Variants in NKAIN2 observed in about 807,000 individuals in gnomAD.
NKAIN2 encodes the protein sodium/potassium-transporting ATPase subunit beta-1-interacting protein 2.
In NKAIN2, 14 loss-of-function variants were observed where a neutral mutation model predicts 32.6. The ratio of observed to expected loss-of-function variants is 0.43; its 90% CI spans 0.28 to 0.67. The LOEUF (loss-of-function observed/expected upper bound fraction) is 0.67. Among genes scored for constraint, NKAIN2 ranks in the 30% least tolerant of loss-of-function variants. The pLI, the probability that NKAIN2 is intolerant of heterozygous loss-of-function variation, is 0.17. For missense variants in NKAIN2, 198 were observed against 258.3 expected (o/e 0.77, Z 1.60); for synonymous variants, 80 against 87.2 (o/e 0.92, Z 0.46).
At chr6:124,083,373 T>G (rs1336113880) in intron 1 of NKAIN2, among the ~76,000 whole-genome samples, 1 of 151,948 alleles carries the variant, frequency 6.6e-6, no homozygotes, top group Non-Finnish European at 1.5e-5. Context: ...CCTTTGTCAT[T>G]GTTATTATTG....
intron 3 of NKAIN2, among the ~76,000 whole-genome samples, chr6:124,594,233 T>A (rs940367444): frequency 6.6e-6 from 1 of 152,222 alleles, no homozygotes; most frequent in African/African-American, 2.4e-5. Flanking sequence ...TTTTAAGTCA[T>A]TAAATTTATT....
chr6:123,971,488 T>A (rs943662386), intron 1 of NKAIN2, among the ~76,000 whole-genome samples: 3 of 152,200 alleles, frequency 2.0e-5, no homozygotes, highest in African/African-American at 7.2e-5. Context: ...CATTCTCTGC[T>A]TTGTAGTCAA....
intron 1 of NKAIN2, among the ~76,000 whole-genome samples, chr6:124,242,617 A>G (rs879565276): frequency 3.3e-5 from 5 of 152,168 alleles, no homozygotes; most frequent in Non-Finnish European, 7.3e-5. Flanking sequence ...AGCACTATTC[A>G]CAATACCAAA....
rs113382355 is a variant in NKAIN2 at position 124,253,989 on chromosome 6, G to C, written c.55-29016G>C. On this transcript the variant is annotated intron_variant, in intron 1 of 6. Coordinates refer to ENST00000368417, the MANE Select transcript of NKAIN2 (RefSeq NM_001040214.3). ...TGCACCACCATGCCTGGCTAATTTT[G>C]TATTTTTAGTAGAGACGGGGTTTCA... Among the ~76,000 whole-genome samples, 733 of 148,720 alleles carry C rather than the reference G, an allele frequency of 4.9e-3. 7 individuals are homozygous for C. The highest frequency in any genetic ancestry group is 0.017 in the African/African-American group (685 of 40,352).
chr6:124,618,226 C>T (rs1244648648), intron 3 of NKAIN2, among the ~76,000 whole-genome samples: 1 of 152,064 alleles, frequency 6.6e-6, no homozygotes, highest in Non-Finnish European at 1.5e-5. Context: ...ACCTGTAATC[C>T]CAGCACTTTG....
intron 3 of NKAIN2, among the ~76,000 whole-genome samples, chr6:124,408,143 G>A (rs1371623952): frequency 6.6e-6 from 1 of 151,920 alleles, no homozygotes; most frequent in African/African-American, 2.4e-5. Context: ...CCATTCTGTA[G>A]GTTGCCTGTT....
intron 1 of NKAIN2, among the ~76,000 whole-genome samples, chr6:123,831,865 A>G (rs9490956): frequency 0.082 from 12,438 of 152,120 alleles, 1,075 homozygotes; most frequent in African/African-American, 0.22. Context: ...CGTGTTAGCC[A>G]GGATGGTCTT....
At chr6:123,831,159 CA>C (rs1774362904) in intron 1 of NKAIN2, among the ~76,000 whole-genome samples, 1 of 152,054 alleles carries the variant, frequency 6.6e-6, no homozygotes, top group African/African-American at 2.4e-5. Flanking sequence ...TTCCTAGCAA[CA>C]TATTTTGCCA....
At chr6:124,018,966 T>G (rs1280497025) in intron 1 of NKAIN2, among the ~76,000 whole-genome samples, 2 of 152,102 alleles carry the variant, frequency 1.3e-5, no homozygotes, top group African/African-American at 4.8e-5. Flanking sequence ...GTTTAATGGA[T>G]TCACAGTTCC....
intron 3 of NKAIN2, among the ~76,000 whole-genome samples, chr6:124,458,718 C>G (rs1275509016): frequency 1.3e-5 from 2 of 151,822 alleles, no homozygotes; most frequent in East Asian, 3.9e-4. Context: ...AATACTATAT[C>G]TAGACACTGC....
intron 1 of NKAIN2, among the ~76,000 whole-genome samples, chr6:124,148,492 A>C (rs1418605571): frequency 6.6e-6 from 1 of 152,090 alleles, no homozygotes; most frequent in African/African-American, 2.4e-5. Context: ...TATGAATGTA[A>C]ACATACAATA....
chr6:124,822,419 T>C (rs542221476), intron 6 of NKAIN2, among the ~76,000 whole-genome samples: 57 of 152,282 alleles, frequency 3.7e-4, no homozygotes, highest in African/African-American at 1.1e-3. Context: ...AGCTCTTCCT[T>C]GGAAGGAAAA....
At chr6:124,326,228 C>A (rs1369314476) in intron 2 of NKAIN2, among the ~76,000 whole-genome samples, 1 of 146,244 alleles carries the variant, frequency 6.8e-6, no homozygotes, top group African/African-American at 2.5e-5. Context: ...TATTTTAGCT[C>A]ATTTTAAAGT....
chr6:124,199,791 G>T (rs537305674), intron 1 of NKAIN2, among the ~76,000 whole-genome samples: 33 of 152,138 alleles, frequency 2.2e-4, no homozygotes, highest in African/African-American at 8.0e-4. Flanking sequence ...CAAAGCAAAG[G>T]ATTATTTTGA....
At chr6:123,910,399 C>T (rs1775109353) in intron 1 of NKAIN2, among the ~76,000 whole-genome samples, 1 of 150,654 alleles carries the variant, frequency 6.6e-6, no homozygotes, top group Non-Finnish European at 1.5e-5. Context: ...TTAATACTGA[C>T]TTTTCTTTTA....
At chr6:124,062,551 C>T (rs935486080) in intron 1 of NKAIN2, among the ~76,000 whole-genome samples, 3 of 152,118 alleles carry the variant, frequency 2.0e-5, no homozygotes, top group African/African-American at 7.2e-5. Flanking sequence ...ACCTTAGCTT[C>T]CTGGGTAGCT....
intron 3 of NKAIN2, among the ~76,000 whole-genome samples, chr6:124,365,655 T>A (rs1799487231): frequency 6.6e-6 from 1 of 151,900 alleles, no homozygotes; most frequent in African/African-American, 2.4e-5. Flanking sequence ...ATATAGAATA[T>A]CTATATAAAA....
intron 1 of NKAIN2, among the ~76,000 whole-genome samples, chr6:124,034,861 C>T (rs561938212): frequency 6.0e-4 from 91 of 152,086 alleles, no homozygotes; most frequent in Non-Finnish European, 1.1e-3. Context: ...TTATATTTCT[C>T]TGAAGATTAG....
intron 3 of NKAIN2, among the ~76,000 whole-genome samples, chr6:124,541,357 C>G (rs1359234549): frequency 6.6e-6 from 1 of 152,102 alleles, no homozygotes; most frequent in Non-Finnish European, 1.5e-5. Flanking sequence ...TCTCTAAACT[C>G]CAGTTTCCCC....
Sources: gnomAD v4.1 joint callset for allele counts (sites outside exome capture counted in the v4.1 genomes callset) on GRCh38, gnomAD v4.1.1 for gene constraint, MANE v1.5 for transcripts, NCBI Gene and HGNC (gene_info 2026-07-23, HGNC 2026-07-21) for gene names.